C6: variants seen among roughly 807,000 people sequenced by gnomAD.
C6 encodes the protein complement component C6.
A neutral mutation model predicts 112.9 loss-of-function variants in C6; 101 were observed. The ratio of observed to expected loss-of-function variants is 0.89; its 90% CI spans 0.76 to 1.06. C6 has a LOEUF of 1.06. C6 is among the 50% of genes least tolerant of loss of function. The pLI, the probability that C6 is intolerant of heterozygous loss-of-function variation, is 0.00. For synonymous variants in C6, 431 were observed against 384.1 expected, an observed-to-expected ratio of 1.12 and a Z score of -1.43; for missense variants, 1,202 against 1,104.6, an observed-to-expected ratio of 1.09 and a Z score of -1.25.
chr5:41,230,770 A>G (rs557782402), intron 1 of C6, among the ~76,000 whole-genome samples: 1 of 152,096 alleles, frequency 6.6e-6, no homozygotes, highest in African/African-American at 2.4e-5. Context: ...TCACAGTCCT[A>G]CCAATATGTG....
In C6 at chr5:41,212,260, C is replaced by T. The variant is rs547011109; in HGVS notation, c.-21+1116G>A. 2.3e-3 allele frequency among the ~76,000 whole-genome samples: 353 copies of T among 152,210 alleles called. No individual in the cohort carries two copies. In the Middle Eastern group the frequency reaches 0.024, roughly 10 times the overall value. ...CACTATAAACTCAGCCTCCTGGGTT[C>T]AAGCAATTCTCTGCCTCAGCCTCCC... On this transcript the variant is annotated intron_variant, in intron 1 of 17. Coordinates refer to ENST00000337836, the MANE Select transcript of C6 (RefSeq NM_000065.5).
chr5:41,225,783 T>G (rs1739450745), intron 1 of C6, among the ~76,000 whole-genome samples: 1 of 152,074 alleles, frequency 6.6e-6, no homozygotes, highest in African/African-American at 2.4e-5. Flanking sequence ...AACAGAGCCC[T>G]CAGAAATAAT....
intron 1 of C6, among the ~76,000 whole-genome samples, chr5:41,204,756 G>A (rs1751301641): frequency 7.3e-6 from 1 of 137,496 alleles, no homozygotes; most frequent in Non-Finnish European, 1.5e-5. Context: ...TGCAAGCTCT[G>A]CCTCCCGGGT....
intron 1 of C6, among the ~76,000 whole-genome samples, chr5:41,205,975 G>A (rs957464033): frequency 6.6e-6 from 1 of 152,182 alleles, no homozygotes; most frequent in African/African-American, 2.4e-5. Flanking sequence ...CCCAGTACGG[G>A]CCGACTGACA....
rs759338755 is a variant in C6, at chr5:41,150,026, C to T, written c.2291-1G>A. ...TGGCCTTTTAATTTTGTTAGAGTATCTGAAACAAAAGAAAAAAGGAGAAAA... is the reference window on the plus strand; with the variant it reads ...TGGCCTTTTAATTTTGTTAGAGTATTTGAAACAAAAGAAAAAAGGAGAAAA... On this transcript the variant is annotated splice_acceptor_variant, in intron 15 of 17. Coordinates refer to ENST00000337836, the MANE Select transcript of C6 (RefSeq NM_000065.5). LOFTEE classifies it high-confidence loss of function. The T allele has an allele frequency of 1.4e-5, 22 of 1,602,194 alleles. No homozygotes were observed. In the Admixed American group the frequency reaches 3.5e-4, roughly 26 times the overall value.
At chr5:41,183,721 G>T (rs953347134) in intron 6 of C6, among the ~76,000 whole-genome samples, 9 of 152,150 alleles carry the variant, frequency 5.9e-5, no homozygotes, top group South Asian at 2.1e-4. Flanking sequence ...CAAAGGCATA[G>T]AATTAACCTA....
At chr5:41,233,449 C>A (rs1740033370) in intron 1 of C6, among the ~76,000 whole-genome samples, 1 of 152,002 alleles carries the variant, frequency 6.6e-6, no homozygotes. Context: ...AGGCATAATT[C>A]TTTTTCACTA....
At chr5:41,154,069 C>A in intron 14 of C6, 71 bp from the exon 15 acceptor site, 2 of 1,355,166 alleles carry the variant, frequency 1.5e-6, no homozygotes, top group African/African-American at 1.4e-5. Flanking sequence ...AAATTTTGTG[C>A]AACCAAAGAG....
intron 17 of C6, among the ~76,000 whole-genome samples, chr5:41,147,424 C>T (rs1745933373): frequency 6.6e-6 from 1 of 152,062 alleles, no homozygotes; most frequent in Admixed American, 6.5e-5. Flanking sequence ...CATCAGATGC[C>T]AGCTATGTCC....
At chr5:41,218,593 GCCCGATCTCAC>G (rs371028238) in intron 1 of C6, among the ~76,000 whole-genome samples, 17 of 152,034 alleles carry the variant, frequency 1.1e-4, no homozygotes, top group African/African-American at 4.1e-4. Flanking sequence ...AATCTGTCCA[GCCCGATCTCAC>G]AAAATTTAAT....
intron 1 of C6, among the ~76,000 whole-genome samples, chr5:41,229,212 T>A (rs1046111514): frequency 6.6e-6 from 1 of 152,144 alleles, no homozygotes; most frequent in Non-Finnish European, 1.5e-5. Flanking sequence ...GTTATTTTCT[T>A]TCTTCTGCTA....
intron 8 of C6, among the ~76,000 whole-genome samples, chr5:41,174,970 AT>A (rs1748716348): frequency 6.6e-6 from 1 of 152,218 alleles, no homozygotes; most frequent in South Asian, 2.1e-4. Flanking sequence ...TTTAACAACA[AT>A]TAAAATTTTA....
intron 1 of C6, among the ~76,000 whole-genome samples, chr5:41,228,588 G>A (rs1005831399): frequency 3.9e-5 from 6 of 152,094 alleles, no homozygotes; most frequent in Non-Finnish European, 7.4e-5. Context: ...TTAGCTGTGG[G>A]TTTGTCACAT....
intron 1 of C6, among the ~76,000 whole-genome samples, chr5:41,210,078 C>G (rs1331342429): frequency 6.6e-6 from 1 of 152,184 alleles, no homozygotes; most frequent in Non-Finnish European, 1.5e-5. Flanking sequence ...CTACAGCCAT[C>G]TGATCTTTGA....
chr5:41,231,587 G>C (rs927109176), intron 1 of C6, among the ~76,000 whole-genome samples: 1 of 151,892 alleles, frequency 6.6e-6, no homozygotes, highest in Non-Finnish European at 1.5e-5. Flanking sequence ...TTTTTAATAG[G>C]TTATAGTTTT....
At chr5:41,185,166 C>G (rs551990119) in intron 6 of C6, among the ~76,000 whole-genome samples, 12 of 152,290 alleles carry the variant, frequency 7.9e-5, no homozygotes, top group Non-Finnish European at 1.6e-4. Context: ...GCAGTATTAT[C>G]AGTCTTCCCA....
At chr5:41,182,559 C>T (rs1749441925) in intron 6 of C6, among the ~76,000 whole-genome samples, 1 of 152,126 alleles carries the variant, frequency 6.6e-6, no homozygotes, top group South Asian at 2.1e-4. Flanking sequence ...TCTTTGTATA[C>T]CAGCCAGCCA....
chr5:41,200,741 A>G (rs936010576), intron 3 of C6, among the ~76,000 whole-genome samples: 2 of 152,082 alleles, frequency 1.3e-5, no homozygotes, highest in East Asian at 1.9e-4. Context: ...AAATATTTCA[A>G]TGGGGAACAA....
chr5:41,147,545 T>C (rs1489550311), intron 17 of C6, among the ~76,000 whole-genome samples: 6 of 152,146 alleles, frequency 3.9e-5, no homozygotes, highest in Non-Finnish European at 5.9e-5. Context: ...CTCTCCCCTT[T>C]CCAGGACTGA....
Sources: gnomAD v4.1 joint callset for allele counts (sites outside exome capture counted in the v4.1 genomes callset) on GRCh38, gnomAD v4.1.1 for gene constraint, MANE v1.5 for transcripts, NCBI Gene and HGNC (gene_info 2026-07-23, HGNC 2026-07-21) for gene names.